The following PBX3 variants were observed in gnomAD, a reference collection of about 807,000 sequenced individuals.
PBX3 encodes pre-B-cell leukemia transcription factor 3.
A neutral mutation model predicts 48.5 loss-of-function variants in PBX3; 14 were observed. That is an observed-to-expected ratio of 0.29 (90% CI 0.19 to 0.45). The LOEUF (loss-of-function observed/expected upper bound fraction) is 0.45, where lower values mean the gene tolerates loss of function less well. Ranked by LOEUF, PBX3 falls within the 20% of genes least tolerant of loss-of-function variation. The probability of loss-of-function intolerance (pLI) is 1.00; values close to 1 mark genes in which losing one functional copy is unlikely to be tolerated. For synonymous variants in PBX3, 210 were observed against 200.3 expected (o/e 1.05, Z -0.41); for missense variants, 386 against 546.7 (o/e 0.71, Z 2.93).
intron 2 of PBX3, among the ~76,000 whole-genome samples, chr9:125,871,540 G>A (rs1840126053): frequency 6.6e-6 from 1 of 152,116 alleles, no homozygotes; most frequent in Non-Finnish European, 1.5e-5. Flanking sequence ...TTGAATGAAA[G>A]AGCAAGGTAT....
chr9:125,805,026 G>A (rs570563959), intron 2 of PBX3, among the ~76,000 whole-genome samples: 1 of 150,658 alleles, frequency 6.6e-6, no homozygotes, highest in South Asian at 2.1e-4. Context: ...TATTTTGTTG[G>A]GGGAACATAG....
chr9:125,763,386 G>A (rs1009533138), intron 2 of PBX3, among the ~76,000 whole-genome samples: 3 of 152,230 alleles, frequency 2.0e-5, no homozygotes, highest in African/African-American at 7.2e-5. Flanking sequence ...CCGATTACAT[G>A]TAAACAGCCT....
chr9:125,781,380 C>T (rs1291033598), intron 2 of PBX3, among the ~76,000 whole-genome samples: 1 of 151,674 alleles, frequency 6.6e-6, no homozygotes, highest in East Asian at 2.0e-4. Flanking sequence ...ACCAGTCAGG[C>T]GTGGTGGCGC....
chr9:125,955,294 C>T (rs955404374), intron 5 of PBX3, among the ~76,000 whole-genome samples: 3 of 152,168 alleles, frequency 2.0e-5, no homozygotes, highest in African/African-American at 7.2e-5. Context: ...TCTTCCTCAG[C>T]CAGAACCCAC....
intron 2 of PBX3, among the ~76,000 whole-genome samples, chr9:125,891,097 A>G (rs369962045): frequency 1.2e-4 from 18 of 152,284 alleles, no homozygotes; most frequent in East Asian, 1.2e-3. Context: ...CTTTCTTTCT[A>G]TGTATGAAAT....
intron 2 of PBX3, among the ~76,000 whole-genome samples, chr9:125,834,676 G>T (rs779312506): frequency 1.4e-4 from 21 of 151,302 alleles, no homozygotes; most frequent in Non-Finnish European, 2.4e-4. Context: ...GGGATTACAG[G>T]CATGAGCCAC....
chr9:125,902,705 A>G (rs1024758837), intron 2 of PBX3, among the ~76,000 whole-genome samples: 2 of 151,724 alleles, frequency 1.3e-5, no homozygotes, highest in African/African-American at 4.8e-5. Context: ...GCTGTGTGCT[A>G]TGTGCAATAA....
intron 8 of PBX3, among the ~76,000 whole-genome samples, chr9:125,965,313 A>G (rs968439982): frequency 1.2e-4 from 19 of 152,154 alleles, no homozygotes; most frequent in African/African-American, 3.6e-4. Flanking sequence ...CGGCTCATGC[A>G]TTTTCATTCT....
At chr9:125,876,143 GCTTC>G (rs1840242237) in intron 2 of PBX3, among the ~76,000 whole-genome samples, 1 of 152,060 alleles carries the variant, frequency 6.6e-6, no homozygotes. Context: ...TATGCTGTGT[GCTTC>G]CTTTAGGATG....
chr9:125,777,013 TTC>T (rs1407432522), intron 2 of PBX3, among the ~76,000 whole-genome samples: 2 of 85,626 alleles, frequency 2.3e-5, no homozygotes, highest in Admixed American at 2.4e-4. Context: ...TTCTTTTCTT[TTC>T]TTTTTTTTTT....
intron 5 of PBX3, among the ~76,000 whole-genome samples, chr9:125,956,309 A>T (rs1842306491): frequency 6.6e-6 from 1 of 152,224 alleles, no homozygotes; most frequent in Admixed American, 6.5e-5. Flanking sequence ...CCATTATGTG[A>T]TACTTCCCAC....
chr9:125,943,699 C>T (rs568164738), intron 5 of PBX3, among the ~76,000 whole-genome samples: 1 of 152,278 alleles, frequency 6.6e-6, no homozygotes, highest in East Asian at 1.9e-4. Flanking sequence ...AATTGGAGGA[C>T]ACTTTATAAG....
At chr9:125,785,169 CT>C (rs1178537388) in intron 2 of PBX3, among the ~76,000 whole-genome samples, 2 of 152,130 alleles carry the variant, frequency 1.3e-5, no homozygotes, top group African/African-American at 4.8e-5. Flanking sequence ...TGTGTCAGTT[CT>C]TGGGATGGTT....
intron 2 of PBX3, among the ~76,000 whole-genome samples, chr9:125,897,992 G>A (rs1355794237): frequency 4.0e-5 from 6 of 151,188 alleles, no homozygotes; most frequent in Non-Finnish European, 8.9e-5. Context: ...TTCTTTAACG[G>A]ATATGGCCAT....
intron 2 of PBX3, among the ~76,000 whole-genome samples, chr9:125,820,272 C>T (rs1838611765): frequency 6.6e-6 from 1 of 152,166 alleles, no homozygotes; most frequent in Non-Finnish European, 1.5e-5. Context: ...CTTTGCTTCA[C>T]CCAAATAGAT....
chr9:125,926,538 A>G (rs1841581073), intron 3 of PBX3, among the ~76,000 whole-genome samples: 1 of 149,800 alleles, frequency 6.7e-6, no homozygotes, highest in South Asian at 2.1e-4. Flanking sequence ...GCCAGGTGCT[A>G]TTTATTACAG....
intron 2 of PBX3, among the ~76,000 whole-genome samples, chr9:125,787,420 A>T (rs1251609884): frequency 1.3e-5 from 2 of 152,152 alleles, no homozygotes; most frequent in Admixed American, 1.3e-4. Flanking sequence ...GTTACTCCAG[A>T]TAATGAAAGA....
chr9:125,910,046 T>A (rs1443297269), intron 2 of PBX3, among the ~76,000 whole-genome samples: 1 of 152,124 alleles, frequency 6.6e-6, no homozygotes, highest in Non-Finnish European at 1.5e-5. Context: ...GTGAAGGAAA[T>A]GGAGGTGTGG....
At chr9:125,813,102 C>T (rs758738924) in intron 2 of PBX3, among the ~76,000 whole-genome samples, 21 of 152,136 alleles carry the variant, frequency 1.4e-4, no homozygotes, top group Non-Finnish European at 3.1e-4. Flanking sequence ...CTTACTATAA[C>T]CTTTTTACTA....
Sources: allele counts gnomAD v4.1 joint callset (sites outside exome capture counted in the v4.1 genomes callset), GRCh38; gene constraint gnomAD v4.1.1; transcripts MANE v1.5; gene names NCBI Gene and HGNC (gene_info 2026-07-23, HGNC 2026-07-21).